Variants in SLC28A3 observed in about 807,000 individuals in gnomAD.
The protein encoded by SLC28A3 is solute carrier family 28 member 3.
In SLC28A3, 68 loss-of-function variants were observed where a neutral mutation model predicts 84.2. The ratio of observed to expected loss-of-function variants is 0.81; its 90% CI spans 0.66 to 0.99. The LOEUF (loss-of-function observed/expected upper bound fraction) is 0.99. Ranked by LOEUF, SLC28A3 falls within the 50% of genes least tolerant of loss-of-function variation. The pLI is 0.00. For missense variants in SLC28A3, 712 were observed against 841.5 expected, an observed-to-expected ratio of 0.85 and a Z score of 1.90; for synonymous variants, 267 against 303.6, an observed-to-expected ratio of 0.88 and a Z score of 1.25.
chr9:84,285,367 T>G lies in SLC28A3; in HGVS notation c.1625A>C (p.Asn542Thr). 1 of 1,614,084 alleles carries G rather than the reference T, an allele frequency of 6.2e-7. No homozygotes were observed. Among genetic ancestry groups the G allele is most frequent in the Admixed American group, 1.7e-5 (1 of 60,028 alleles). ...CACTGATATATATTGCTGCACACCG[T>G]TTACAAATTTGGGTCCACCTTCTTT... is the stretch of plus-strand genomic sequence containing the variant. ...LRKEGGPKFV[N>T]GVQQYISIRS... Residue 542 changes from asparagine to threonine, a missense_variant, in exon 14 of 18, where the codon AAC (asparagine) becomes ACC (threonine). Physicochemically the swap from Asn to Thr is moderately conservative, Grantham distance 65. Transcript: ENST00000376238.
chr9:84,290,415 G>A (rs1825168329), intron 10 of SLC28A3, 136 bp from the exon 11 acceptor site: 7 of 1,068,452 alleles, frequency 6.6e-6, no homozygotes, highest in African/African-American at 4.7e-5. Flanking sequence ...CTCCATCAGC[G>A]TCACCTGGAA....
intron 1 of SLC28A3, among the ~76,000 whole-genome samples, chr9:84,318,751 C>T (rs111928575): frequency 0.023 from 3,452 of 152,050 alleles, 136 homozygotes; most frequent in African/African-American, 0.079. Context: ...TGCCTGTAAT[C>T]CCAGCTACTC....
At chr9:84,334,250 G>T (rs1564179088) in intron 1 of SLC28A3, among the ~76,000 whole-genome samples, 1 of 152,186 alleles carries the variant, frequency 6.6e-6, no homozygotes, top group Non-Finnish European at 1.5e-5. Context: ...AGTGAGCCAA[G>T]ATCACGCCAC....
Position 84,309,695 on chromosome 9 carries a change from A to G in SLC28A3, c.176T>C (p.Val59Ala), listed in dbSNP as rs368335475. ...TCTGTTTCTTGGAGAATCCTGCTCAACTGTGACCTGTTCTTCATCCTGGAA... is the reference window on the plus strand; with the variant it reads ...TCTGTTTCTTGGAGAATCCTGCTCAGCTGTGACCTGTTCTTCATCCTGGAA... The part of the protein sequence containing the change: ...NTKQDEEQVT[V>A]EQDSPRNREH... The change falls in exon 3 of 18, where the codon GTT becomes GCT. Residue 59 changes from valine to alanine, a missense_variant. Val to Ala is a moderately conservative substitution (Grantham distance 64). Transcript: ENST00000376238. The G allele has an allele frequency of 7.4e-6, 12 of 1,613,824 alleles. No homozygotes were observed. Among genetic ancestry groups the G allele is most frequent in the South Asian group, 1.1e-5 (1 of 91,044 alleles).
chr9:84,283,338 C>A (rs1824837090), intron 14 of SLC28A3, among the ~76,000 whole-genome samples: 1 of 152,244 alleles, frequency 6.6e-6, no homozygotes, highest in East Asian at 1.9e-4. Context: ...ACAGGATGGT[C>A]ATTTTAACAC....
intron 2 of SLC28A3, among the ~76,000 whole-genome samples, chr9:84,311,069 G>A (rs1167263404): frequency 3.9e-5 from 6 of 151,950 alleles, no homozygotes; most frequent in Admixed American, 6.6e-5. Flanking sequence ...CAGCCAGGCC[G>A]CTGGAGAGAG....
At chr9:84,343,387 A>G (rs1428701325), upstream of SLC28A3, among the ~76,000 whole-genome samples, 1 of 152,090 alleles carries the variant, frequency 6.6e-6, no homozygotes, top group Non-Finnish European at 1.5e-5. Flanking sequence ...TAGATTTTGC[A>G]TATCTCACAT....
chr9:84,288,290 C>G (rs11568410), intron 11 of SLC28A3, 112 bp from the exon 12 acceptor site: 12 of 1,461,590 alleles, frequency 8.2e-6, no homozygotes, highest in South Asian at 1.3e-5. Flanking sequence ...TGTTTCTATT[C>G]CAGAAGACAA....
At chr9:84,328,210 A>G (rs2118560910) in intron 1 of SLC28A3, among the ~76,000 whole-genome samples, 1 of 140,520 alleles carries the variant, frequency 7.1e-6, no homozygotes, top group East Asian at 2.1e-4. Flanking sequence ...CACAAAATAA[A>G]AATATAAATC....
intron 2 of SLC28A3, among the ~76,000 whole-genome samples, chr9:84,310,789 G>A (rs9792595): frequency 0.23 from 35,260 of 151,990 alleles, 4,421 homozygotes; most frequent in East Asian, 0.52. Context: ...CAGCTTCTGA[G>A]GAAGGGCTGG....
the SLC28A3 span, among the ~76,000 whole-genome samples, chr9:84,349,003 G>T: frequency 6.6e-6 from 1 of 151,964 alleles, no homozygotes; most frequent in African/African-American, 2.4e-5. Context: ...TGCCTCTCGG[G>T]TGTCTCACGT....
At chr9:84,301,500 A>C (rs1825637319) in intron 5 of SLC28A3, among the ~76,000 whole-genome samples, 1 of 152,184 alleles carries the variant, frequency 6.6e-6, no homozygotes, top group Non-Finnish European at 1.5e-5. Context: ...TGAATGAAAA[A>C]AATTAAGTTT....
chr9:84,339,436 G>C (rs1827085846), intron 1 of SLC28A3, among the ~76,000 whole-genome samples: 1 of 152,028 alleles, frequency 6.6e-6, no homozygotes, highest in South Asian at 2.1e-4. Flanking sequence ...TTTTAGTAGA[G>C]ATGGGGTTTC....
At chr9:84,280,109 T>G (rs770867405) in intron 15 of SLC28A3, 36 bp from the exon 16 acceptor site, 15 of 1,593,922 alleles carry the variant, frequency 9.4e-6, no homozygotes, top group Non-Finnish European at 1.2e-5. Context: ...GAGATCAATG[T>G]TGAAGTACTG....
chr9:84,312,542 C>CTTTTTTT (rs35691184), intron 2 of SLC28A3, among the ~76,000 whole-genome samples: 2 of 134,382 alleles, frequency 1.5e-5, no homozygotes, highest in African/African-American at 2.8e-5. Context: ...CCCCAAATTC[C>CTTTTTTT]TTTTTTTTTT....
At chr9:84,363,572 C>A in the SLC28A3 span, among the ~76,000 whole-genome samples, 2 of 152,100 alleles carry the variant, frequency 1.3e-5, no homozygotes, top group Non-Finnish European at 2.9e-5. Flanking sequence ...CCTGTCACAT[C>A]CATATTATTA....
the SLC28A3 span, among the ~76,000 whole-genome samples, chr9:84,347,704 G>C: frequency 2.6e-5 from 4 of 152,188 alleles, no homozygotes; most frequent in African/African-American, 9.7e-5. Context: ...GAAGGCACAG[G>C]TGTCGGGCTG....
chr9:84,320,047 T>TTTTG (rs1564170375), intron 1 of SLC28A3, among the ~76,000 whole-genome samples: 3 of 71,476 alleles, frequency 4.2e-5, no homozygotes, highest in Non-Finnish European at 8.3e-5. Flanking sequence ...ACTGTTTTTT[T>TTTTG]TTTTTTTTTT....
rs1826119835 is a variant in SLC28A3, at chr9:84,314,963, A to G, written c.61-1509T>C. On this transcript the variant is annotated intron_variant, in intron 1 of 17. Coordinates refer to ENST00000376238, the MANE Select transcript of SLC28A3 (RefSeq NM_001199633.2). Reference sequence around the variant, plus strand: ...GTGGTGGCAGGTGCTTGTAATCCCAACTACTTGGGAGGCTGAGGCAGGAGA... The same window carrying G: ...GTGGTGGCAGGTGCTTGTAATCCCAGCTACTTGGGAGGCTGAGGCAGGAGA... Among the ~76,000 whole-genome samples, 3 of 152,048 alleles carry G rather than the reference A, an allele frequency of 2.0e-5. No individual in the cohort carries two copies. In the South Asian group the frequency reaches 6.2e-4, roughly 32 times the overall value.
Sources: allele counts gnomAD v4.1 joint callset (sites outside exome capture counted in the v4.1 genomes callset), GRCh38; gene constraint gnomAD v4.1.1; transcripts MANE v1.5; gene names NCBI Gene and HGNC (gene_info 2026-07-23, HGNC 2026-07-21).